The following MIPOL1 variants were observed in gnomAD, a reference collection of about 807,000 sequenced individuals.
MIPOL1 encodes mirror-image polydactyly 1, also known as mirror-image polydactyly gene 1 protein.
In MIPOL1, 57 loss-of-function variants were observed where a neutral mutation model predicts 60.9. The ratio of observed to expected loss-of-function variants is 0.94; its 90% CI spans 0.76 to 1.17. The LOEUF is 1.17. Among genes scored for constraint, MIPOL1 ranks in the 50% most tolerant of loss-of-function variants. The pLI is 0.00. For missense variants in MIPOL1, 551 were observed against 511.6 expected (o/e 1.08, Z -0.74); for synonymous variants, 179 against 168.8 (o/e 1.06, Z -0.47).
At chr14:37,439,971 G>A (rs890685663) in intron 11 of MIPOL1, among the ~76,000 whole-genome samples, 13 of 152,132 alleles carry the variant, frequency 8.5e-5, no homozygotes, top group African/African-American at 3.1e-4. Context: ...CTCCTGAATA[G>A]CTGGGACTAC....
intron 9 of MIPOL1, among the ~76,000 whole-genome samples, chr14:37,309,877 T>G (rs914818182): frequency 2.6e-5 from 4 of 151,858 alleles, no homozygotes; most frequent in African/African-American, 9.7e-5. Flanking sequence ...CTTGTAGAGA[T>G]AGGGTTTTGC....
At chr14:37,320,782 C>G (rs945582987) in intron 9 of MIPOL1, among the ~76,000 whole-genome samples, 2 of 151,926 alleles carry the variant, frequency 1.3e-5, no homozygotes, top group African/African-American at 4.8e-5. Context: ...TTTATATTGT[C>G]AAAGTCATTT....
chr14:37,242,870 G>A (rs1594693231), intron 1 of MIPOL1, among the ~76,000 whole-genome samples: 1 of 152,300 alleles, frequency 6.6e-6, no homozygotes, highest in East Asian at 1.9e-4. Flanking sequence ...TAGATGGGAT[G>A]GCCAGGCAAA....
chr14:37,389,232 A>G (rs562658022), intron 10 of MIPOL1, among the ~76,000 whole-genome samples: 152 of 152,050 alleles, frequency 1.0e-3, no homozygotes, highest in African/African-American at 3.6e-3. Context: ...AAGGGTGGTA[A>G]AAAAAAACAA....
intron 9 of MIPOL1, among the ~76,000 whole-genome samples, chr14:37,359,445 T>C (rs997204312): frequency 1.9e-4 from 29 of 152,236 alleles, no homozygotes; most frequent in Non-Finnish European, 4.0e-4. Flanking sequence ...ATTTTCATGA[T>C]ATTGATTCTT....
At chr14:37,520,435 T>A (rs1477515790) in intron 12 of MIPOL1, among the ~76,000 whole-genome samples, 1 of 152,164 alleles carries the variant, frequency 6.6e-6, no homozygotes, top group Non-Finnish European at 1.5e-5. Flanking sequence ...TAATAAGCCA[T>A]CTTAATAAGA....
intron 9 of MIPOL1, among the ~76,000 whole-genome samples, chr14:37,331,423 G>T (rs1451748473): frequency 6.6e-6 from 1 of 151,874 alleles, no homozygotes; most frequent in East Asian, 1.9e-4. Flanking sequence ...GTGTGTGTGT[G>T]TATGTCCTCT....
At chr14:37,282,238 A>ATAATATTATTAT (rs1555379975) in intron 6 of MIPOL1, among the ~76,000 whole-genome samples, 7 of 146,396 alleles carry the variant, frequency 4.8e-5, no homozygotes, top group Non-Finnish European at 7.5e-5. Flanking sequence ...TATTGCAGTA[A>ATAATATTATTAT]TATTATTATT....
At chr14:37,473,537 G>A (rs2094721212) in intron 11 of MIPOL1, among the ~76,000 whole-genome samples, 1 of 152,084 alleles carries the variant, frequency 6.6e-6, no homozygotes, top group African/African-American at 2.4e-5. Context: ...TACTCTGTGT[G>A]TGTGAATGGG....
At chr14:37,432,181 C>G (rs1201018731) in intron 11 of MIPOL1, among the ~76,000 whole-genome samples, 1 of 152,112 alleles carries the variant, frequency 6.6e-6, no homozygotes, top group Non-Finnish European at 1.5e-5. Context: ...TCTATTAATC[C>G]TTTTCTAATC....
intron 12 of MIPOL1, among the ~76,000 whole-genome samples, chr14:37,520,904 A>G (rs1454650770): frequency 8.1e-6 from 1 of 123,002 alleles, no homozygotes; most frequent in Admixed American, 8.2e-5. Context: ...GTGAGATGAT[A>G]TTTGGAATTC....
In MIPOL1 at chr14:37,547,100, C is replaced by G; in HGVS notation, c.*129C>G. On this transcript the variant is annotated 3_prime_UTR_variant, in exon 13 of 13. Transcript: ENST00000684589. The stretch of plus-strand genomic sequence containing the variant: ...AGAAGTGGGACACTCCAACCACATT[C>G]CAAGCTGAGATAAAATCAAATCACA... 1 of 684,994 alleles carries G rather than the reference C, an allele frequency of 1.5e-6. No homozygotes were observed. The highest frequency in any genetic ancestry group is 2.5e-6 in the Non-Finnish European group (1 of 402,012). 42.4% of individuals were successfully genotyped at this position (684,994 alleles called of 1,614,324 possible).
At chr14:37,257,133 T>TG (rs1594768334) in intron 3 of MIPOL1, among the ~76,000 whole-genome samples, 7 of 71,032 alleles carry the variant, frequency 9.9e-5, no homozygotes, top group Admixed American at 3.0e-4. Flanking sequence ...GTGTGTGTGT[T>TG]TGAGAAACAA....
intron 11 of MIPOL1, among the ~76,000 whole-genome samples, chr14:37,487,884 T>G (rs2094976279): frequency 6.6e-6 from 1 of 152,160 alleles, no homozygotes; most frequent in African/African-American, 2.4e-5. Flanking sequence ...TCTTTTGAAT[T>G]TGTTTGCTCT....
intron 12 of MIPOL1, among the ~76,000 whole-genome samples, chr14:37,522,038 T>G (rs2095417884): frequency 6.6e-6 from 1 of 151,126 alleles, no homozygotes; most frequent in Non-Finnish European, 1.5e-5. Flanking sequence ...TTGTGTAGTT[T>G]TTGCTCAACC....
At chr14:37,524,861 C>T (rs2095437604) in intron 12 of MIPOL1, among the ~76,000 whole-genome samples, 1 of 151,908 alleles carries the variant, frequency 6.6e-6, no homozygotes, top group Non-Finnish European at 1.5e-5. Flanking sequence ...AACCACCGCA[C>T]CCGGCCTGAA....
At chr14:37,551,298 C>A (rs1451101179), downstream of MIPOL1, 2 of 151,968 alleles carry the variant, frequency 1.3e-5, no homozygotes, top group African/African-American at 2.4e-5. Flanking sequence ...CGATCTTAAT[C>A]AAATTTATAA....
At chr14:37,285,485 C>A in intron 7 of MIPOL1, 38 bp downstream of exon 7, 2 of 1,596,218 alleles carry the variant, frequency 1.3e-6, no homozygotes, top group African/African-American at 1.3e-5. Context: ...ATATTAGGAA[C>A]ACTTATAAAA....
At chr14:37,375,383 T>C (rs946230671) in intron 10 of MIPOL1, among the ~76,000 whole-genome samples, 1 of 151,948 alleles carries the variant, frequency 6.6e-6, no homozygotes. Context: ...GATTTTTTTA[T>C]TATTTGTAGA....
Sources: gnomAD v4.1 joint callset for allele counts (sites outside exome capture counted in the v4.1 genomes callset) on GRCh38, gnomAD v4.1.1 for gene constraint, MANE v1.5 for transcripts, NCBI Gene and HGNC (gene_info 2026-07-23, HGNC 2026-07-21) for gene names.